SNTG1: variants seen among roughly 807,000 people sequenced by gnomAD.
SNTG1 encodes gamma-1-syntrophin.
Under a neutral mutation model 74.7 loss-of-function variants are expected in SNTG1, and 39 were observed. The ratio of observed to expected loss-of-function variants is 0.52; its 90% CI spans 0.40 to 0.68. The LOEUF is 0.68. Ranked by LOEUF, SNTG1 falls within the 30% of genes least tolerant of loss-of-function variation. The probability of loss-of-function intolerance (pLI) is 0.00; values close to 1 mark genes in which losing one functional copy is unlikely to be tolerated. For missense variants in SNTG1, 685 were observed against 609.5 expected, an observed-to-expected ratio of 1.12 and a Z score of -1.30; for synonymous variants, 254 against 217.1, an observed-to-expected ratio of 1.17 and a Z score of -1.49.
At chr8:50,636,999 T>C (rs11997602) in intron 13 of SNTG1, among the ~76,000 whole-genome samples, 34,671 of 152,068 alleles carry the variant, frequency 0.23, 4,638 homozygotes, top group African/African-American at 0.36. Flanking sequence ...CTTTACCATC[T>C]TCCAGGGTCT....
chr8:50,615,688 G>A (rs1025313941), intron 13 of SNTG1, among the ~76,000 whole-genome samples: 2 of 152,160 alleles, frequency 1.3e-5, no homozygotes, highest in African/African-American at 4.8e-5. Flanking sequence ...TAACTAGAGA[G>A]AACTTAATGT....
intron 1 of SNTG1, among the ~76,000 whole-genome samples, chr8:49,983,387 T>G (rs148610441): frequency 6.6e-6 from 1 of 152,358 alleles, no homozygotes; most frequent in African/African-American, 2.4e-5. Flanking sequence ...TTTATGTGTA[T>G]ATATCATTTA....
At chr8:50,619,957 G>A (rs1252702363) in intron 13 of SNTG1, among the ~76,000 whole-genome samples, 1 of 150,492 alleles carries the variant, frequency 6.6e-6, no homozygotes, top group Non-Finnish European at 1.5e-5. Context: ...TTGCATTGCA[G>A]CCATATCAAA....
At chr8:50,081,623 T>A (rs1586185917) in intron 1 of SNTG1, among the ~76,000 whole-genome samples, 1 of 152,094 alleles carries the variant, frequency 6.6e-6, no homozygotes, top group East Asian at 1.9e-4. Context: ...TTTTTTTTGT[T>A]TTTGTTTTTG....
intron 13 of SNTG1, among the ~76,000 whole-genome samples, chr8:50,605,940 T>C (rs1199255145): frequency 6.6e-6 from 1 of 152,220 alleles, no homozygotes; most frequent in African/African-American, 2.4e-5. Flanking sequence ...GATTGGTATA[T>C]GTTGAACCAT....
At chr8:50,770,829 G>A (rs1487326012) in intron 18 of SNTG1, among the ~76,000 whole-genome samples, 1 of 151,988 alleles carries the variant, frequency 6.6e-6, no homozygotes, top group Non-Finnish European at 1.5e-5. Flanking sequence ...TGGCTTCACA[G>A]GTTTGTCTCT....
At chr8:50,709,744 A>T (rs1175156392) in intron 17 of SNTG1, among the ~76,000 whole-genome samples, 2 of 152,146 alleles carry the variant, frequency 1.3e-5, no homozygotes, top group African/African-American at 4.8e-5. Context: ...GTGACTTGGA[A>T]CTGTTGTCCC....
intron 1 of SNTG1, among the ~76,000 whole-genome samples, chr8:50,109,942 C>T (rs1285147433): frequency 1.3e-5 from 2 of 152,126 alleles, no homozygotes; most frequent in East Asian, 3.9e-4. Flanking sequence ...AGTTTTCCCA[C>T]TTCTGTCTTA....
At chr8:50,221,546 C>T (rs1330328030) in intron 2 of SNTG1, among the ~76,000 whole-genome samples, 1 of 150,188 alleles carries the variant, frequency 6.7e-6, no homozygotes, top group Non-Finnish European at 1.5e-5. Context: ...CACACACACA[C>T]ACACAAGACT....
chr8:50,183,986 T>C (rs2083297004), intron 2 of SNTG1, among the ~76,000 whole-genome samples: 1 of 152,212 alleles, frequency 6.6e-6, no homozygotes, highest in Non-Finnish European at 1.5e-5. Context: ...GAAGGAAATG[T>C]ATATGCTCCC....
At chr8:50,022,625 C>T (rs942721967) in intron 1 of SNTG1, among the ~76,000 whole-genome samples, 8 of 152,134 alleles carry the variant, frequency 5.3e-5, no homozygotes, top group African/African-American at 1.9e-4. Context: ...AAGTGGAATA[C>T]AGTGGTAGCC....
chr8:50,115,954 T>C (rs1277124090), intron 1 of SNTG1, among the ~76,000 whole-genome samples: 1 of 152,154 alleles, frequency 6.6e-6, no homozygotes, highest in African/African-American at 2.4e-5. Flanking sequence ...CCCAAGGTCA[T>C]GTCAGGTTTG....
chr8:50,450,407 T>C, intron 6 of SNTG1, 149 bp from the exon 7 acceptor site: 2 of 758,582 alleles, frequency 2.6e-6, no homozygotes, highest in South Asian at 3.8e-5. Flanking sequence ...TGTTTCGAAT[T>C]TCCATTTTTT....
At chr8:50,514,598 T>G in intron 9 of SNTG1, among the ~76,000 whole-genome samples, 1 of 152,316 alleles carries the variant, frequency 6.6e-6, no homozygotes, top group Non-Finnish European at 1.5e-5. Context: ...AGATATTTGA[T>G]ATGATTTCAA....
intron 1 of SNTG1, among the ~76,000 whole-genome samples, chr8:50,020,232 G>GT: frequency 6.6e-6 from 1 of 152,046 alleles, no homozygotes; most frequent in East Asian, 1.9e-4. Context: ...TGTATTACTT[G>GT]TTTTTTCATT....
At chr8:50,002,136 G>A (rs1325871404) in intron 1 of SNTG1, among the ~76,000 whole-genome samples, 1 of 152,060 alleles carries the variant, frequency 6.6e-6, no homozygotes, top group African/African-American at 2.4e-5. Flanking sequence ...AAGAAACAAA[G>A]GTAAATTGAA....
At chr8:50,252,697 A>G (rs1224327853) in intron 2 of SNTG1, among the ~76,000 whole-genome samples, 2 of 152,098 alleles carry the variant, frequency 1.3e-5, no homozygotes, top group African/African-American at 2.4e-5. Flanking sequence ...GTTCTTTTAA[A>G]CAAACGGATC....
At chr8:50,349,932 C>A (rs1376353550) in intron 2 of SNTG1, among the ~76,000 whole-genome samples, 1 of 152,082 alleles carries the variant, frequency 6.6e-6, no homozygotes, top group Non-Finnish European at 1.5e-5. Context: ...GAGGCGCGAG[C>A]CGGAACCAGG....
chr8:50,488,076 A>G (rs568159272), intron 8 of SNTG1, among the ~76,000 whole-genome samples: 3 of 152,276 alleles, frequency 2.0e-5, no homozygotes, highest in Non-Finnish European at 4.4e-5. Context: ...AGTCCATTCT[A>G]TCTTGTTTTC....
Sources: allele counts gnomAD v4.1 joint callset (sites outside exome capture counted in the v4.1 genomes callset), GRCh38; gene constraint gnomAD v4.1.1; transcripts MANE v1.5; gene names NCBI Gene and HGNC (gene_info 2026-07-23, HGNC 2026-07-21).